The following ASPH variants were observed in gnomAD, a reference collection of about 807,000 sequenced individuals.
The protein encoded by ASPH is aspartate beta-hydroxylase.
A neutral mutation model predicts 118.4 loss-of-function variants in ASPH; 100 were observed. That is an observed-to-expected ratio of 0.84 (90% confidence interval 0.72 to 1.00). The LOEUF (loss-of-function observed/expected upper bound fraction) is 1.00. Among genes scored for constraint, ASPH ranks in the 50% least tolerant of loss-of-function variants. The pLI, the probability that ASPH is intolerant of heterozygous loss-of-function variation, is 0.00. For missense variants in ASPH, 920 were observed against 919.5 expected (o/e 1.00, Z -0.01); for synonymous variants, 315 against 325.6 (o/e 0.97, Z 0.35).
Position 61,632,751 on chromosome 8 carries a change from G to C in ASPH, c.934+932C>G, listed in dbSNP as rs573850951. 340 of 308,348 alleles carry C rather than the reference G, an allele frequency of 1.1e-3. 4 individuals are homozygous for C. The highest frequency in any genetic ancestry group is 6.7e-3 in the African/African-American group (292 of 43,684). The allele number at this position is 308,348 out of a possible 1,614,324, so 19.1% of individuals were successfully genotyped here. A position where few individuals can be genotyped will look rare whatever the true frequency, so the allele number is the denominator to read the frequency against. ...CCACATATAACTAAATATATTCTTT[G>C]ATTATTTTATCCTTTTTTATCATTA... On this transcript the variant is annotated intron_variant, in intron 13 of 24. Transcript: ENST00000379454.
At chr8:61,642,380 G>A (rs1805565285) in intron 10 of ASPH, among the ~76,000 whole-genome samples, 1 of 152,228 alleles carries the variant, frequency 6.6e-6, no homozygotes, top group African/African-American at 2.4e-5. Context: ...AACTTGTAAA[G>A]AGTTTAAGAA....
At chr8:61,626,361 T>A in intron 13 of ASPH, 1 of 1,354,154 alleles carries the variant, frequency 7.4e-7, no homozygotes, top group Non-Finnish European at 9.6e-7. Context: ...TTCTACTTTT[T>A]AAAAAACCCA....
intron 20 of ASPH, 65 bp from the exon 21 acceptor site, chr8:61,548,273 A>G: frequency 6.7e-7 from 1 of 1,489,194 alleles, no homozygotes. Flanking sequence ...TTAATTTTAA[A>G]ATTGAAAACA....
chr8:61,713,624 A>T (rs959898914), intron 1 of ASPH, among the ~76,000 whole-genome samples: 3 of 152,256 alleles, frequency 2.0e-5, no homozygotes, highest in African/African-American at 7.2e-5. Flanking sequence ...GAGAAAGGTG[A>T]ATATCCAATC....
In ASPH at chr8:61,678,172, T is replaced by G. The variant is rs115150635; in HGVS notation, c.322+2796A>C. On this transcript the variant is annotated intron_variant, in intron 3 of 24. Transcript: ENST00000379454. ...TTCCCTTTTGCTTTCCACCCATACCTGATACGATGCCAGCTAGGTGCTAGC... is the reference window on the plus strand; with the variant it reads ...TTCCCTTTTGCTTTCCACCCATACCGGATACGATGCCAGCTAGGTGCTAGC... Among the ~76,000 whole-genome samples, 529 of 152,240 alleles carry G rather than the reference T, an allele frequency of 3.5e-3. 2 individuals carry two copies. The highest frequency in any genetic ancestry group is 0.021 in the Middle Eastern group (6 of 292).
intron 3 of ASPH, among the ~76,000 whole-genome samples, chr8:61,680,370 TA>T (rs2151609186): frequency 6.6e-6 from 1 of 151,964 alleles, no homozygotes; most frequent in South Asian, 2.1e-4. Flanking sequence ...AATAAGGGAA[TA>T]CCACATTGTT....
At chr8:61,551,983 T>G (rs917816146) in intron 20 of ASPH, among the ~76,000 whole-genome samples, 7 of 152,240 alleles carry the variant, frequency 4.6e-5, no homozygotes, top group African/African-American at 1.7e-4. Context: ...GAACCTCTAG[T>G]ACCTCCAGAT....
At chr8:61,614,511 G>T (rs1011163423) in intron 14 of ASPH, among the ~76,000 whole-genome samples, 1 of 152,144 alleles carries the variant, frequency 6.6e-6, no homozygotes, top group Non-Finnish European at 1.5e-5. Context: ...CTTGAGTCAG[G>T]ATCTTGCTCT....
intron 22 of ASPH, among the ~76,000 whole-genome samples, chr8:61,524,626 A>G (rs1264368892): frequency 1.3e-5 from 2 of 152,220 alleles, no homozygotes; most frequent in Non-Finnish European, 2.9e-5. Flanking sequence ...GGTATATTCC[A>G]CCTATGTGAA....
intron 3 of ASPH, among the ~76,000 whole-genome samples, chr8:61,671,846 T>G (rs1013949663): frequency 9.2e-5 from 14 of 152,266 alleles, no homozygotes; most frequent in Admixed American, 7.9e-4. Flanking sequence ...AGCCAATGGA[T>G]AGATCTGTGG....
chr8:61,507,209 A>T (rs1208661999), intron 24 of ASPH, among the ~76,000 whole-genome samples: 1 of 152,216 alleles, frequency 6.6e-6, no homozygotes, highest in Non-Finnish European at 1.5e-5. Flanking sequence ...AGTGCATATA[A>T]AAGTAGAACT....
intron 15 of ASPH, among the ~76,000 whole-genome samples, chr8:61,577,501 C>T (rs1835731909): frequency 6.8e-6 from 1 of 146,862 alleles, no homozygotes; most frequent in South Asian, 2.2e-4. Context: ...AGTACAGGTT[C>T]TACCATGTTC....
At chr8:61,661,168 T>C (rs1816718211) in intron 3 of ASPH, 1 of 152,210 alleles carries the variant, frequency 6.6e-6, no homozygotes, top group African/African-American at 2.4e-5. Context: ...CAGGCTCCAC[T>C]ATACTCATTT....
chr8:61,676,358 G>A lies in ASPH; in HGVS notation c.322+4610C>T, dbSNP rs757692203. 1.1e-5 allele frequency: 16 copies of A among 1,523,610 alleles called. No homozygotes were observed. The African/African-American group carries it at 1.4e-4, about 13-fold the overall frequency. 94.4% of individuals were successfully genotyped at this position (1,523,610 alleles called of 1,614,324 possible). On this transcript the variant is annotated intron_variant, in intron 3 of 24. Coordinates refer to ENST00000379454, the MANE Select transcript of ASPH (RefSeq NM_004318.4). Reference sequence around the variant, plus strand: ...AAGGAAGAGAGAGAGAAAATAAGGAGAGCAGTTAGGTGGAAAAAAGAAGTG... The same window carrying A: ...AAGGAAGAGAGAGAGAAAATAAGGAAAGCAGTTAGGTGGAAAAAAGAAGTG...
At chr8:61,633,562 G>A (rs1254826255) in intron 13 of ASPH, 121 bp downstream of exon 13, 1 of 800,230 alleles carries the variant, frequency 1.2e-6, no homozygotes, top group Non-Finnish European at 1.9e-6. Context: ...TCTAAATTAA[G>A]GTACAGTTAA....
intron 7 of ASPH, among the ~76,000 whole-genome samples, 184 bp downstream of exon 7, chr8:61,644,416 C>G (rs1164410623): frequency 6.6e-6 from 1 of 151,914 alleles, no homozygotes; most frequent in Non-Finnish European, 1.5e-5. Flanking sequence ...AACTAGGCAT[C>G]AAAACACAAA....
intron 3 of ASPH, chr8:61,657,511 T>C (rs551201988): frequency 6.6e-6 from 1 of 152,274 alleles, no homozygotes; most frequent in Non-Finnish European, 1.5e-5. Context: ...TGTTTGTGTA[T>C]CTAAACACAG....
intron 21 of ASPH, among the ~76,000 whole-genome samples, chr8:61,544,775 C>T (rs534102546): frequency 1.3e-5 from 2 of 152,214 alleles, no homozygotes; most frequent in South Asian, 4.2e-4. Flanking sequence ...AGACATGGTC[C>T]CTGTCATCTT....
chr8:61,610,890 A>T lies in ASPH; in HGVS notation c.976+8088T>A, dbSNP rs77945108. Among the ~76,000 whole-genome samples, 111 of 152,366 alleles carry T rather than the reference A, an allele frequency of 7.3e-4. 1 individual carries two copies. In the East Asian group the frequency reaches 0.019, roughly 26 times the overall value. On this transcript the variant is annotated intron_variant, in intron 14 of 24. Coordinates refer to ENST00000379454, the MANE Select transcript of ASPH (RefSeq NM_004318.4). ...ATCTAACTAGGCTAACCATGCAGTA[A>T]TTAAGTTCAAGGCGGTGATGGCTTG...
Sources: allele counts gnomAD v4.1 joint callset (sites outside exome capture counted in the v4.1 genomes callset), GRCh38; gene constraint gnomAD v4.1.1; transcripts MANE v1.5; gene names NCBI Gene and HGNC (gene_info 2026-07-23, HGNC 2026-07-21).